The following TEX264 variants were observed in gnomAD, a reference collection of about 807,000 sequenced individuals.
TEX264 encodes testis-expressed protein 264.
Under a neutral mutation model 23.4 loss-of-function variants are expected in TEX264, and 13 were observed. That is an observed-to-expected ratio of 0.56 (90% CI 0.36 to 0.88). The LOEUF (loss-of-function observed/expected upper bound fraction) is 0.88, where lower values mean the gene tolerates loss of function less well. Ranked by LOEUF, TEX264 falls within the 40% of genes least tolerant of loss-of-function variation. TEX264 has a pLI of 0.01. For missense variants in TEX264, 340 were observed against 406.8 expected, an observed-to-expected ratio of 0.84 and a Z score of 1.41; for synonymous variants, 159 against 170.0, an observed-to-expected ratio of 0.94 and a Z score of 0.50.
chr3:51,679,665 T>C (rs2106922185), intron 2 of TEX264, among the ~76,000 whole-genome samples: 1 of 152,320 alleles, frequency 6.6e-6, no homozygotes, highest in South Asian at 2.1e-4. Flanking sequence ...TTAATGAGCT[T>C]ATGCTTGGAA....
chr3:51,675,167 A>G (rs1702187513), intron 2 of TEX264, among the ~76,000 whole-genome samples: 1 of 152,188 alleles, frequency 6.6e-6, no homozygotes, highest in South Asian at 2.1e-4. Context: ...CAGATGAGTT[A>G]CTTAGAATGT....
chr3:51,678,840 G>A (rs1306275748), intron 2 of TEX264, among the ~76,000 whole-genome samples: 1 of 152,200 alleles, frequency 6.6e-6, no homozygotes, highest in Non-Finnish European at 1.5e-5. Context: ...CTTAGTTTGG[G>A]TGGAGCCTGG....
At chr3:51,695,331 C>T (rs1703014225) in intron 3 of TEX264, among the ~76,000 whole-genome samples, 1 of 152,226 alleles carries the variant, frequency 6.6e-6, no homozygotes. Context: ...CACATTGCCT[C>T]CTTCTTTTGG....
chr3:51,672,057 C>G (rs1371660485), intron 1 of TEX264: 1 of 152,248 alleles, frequency 6.6e-6, no homozygotes, highest in Non-Finnish European at 1.5e-5. Context: ...AGAGCTCTAG[C>G]GAAGAGACCT....
rs1266858041 is a variant in TEX264 at position 51,691,444 on chromosome 3, C to A, written c.480+6810C>A. On this transcript the variant is annotated intron_variant, in intron 3 of 4. Transcript: ENST00000341333. The surrounding 1 kb of genome is among the most constrained non-coding windows in gnomAD (Gnocchi z 4.4). ...TCTTTCCTCTTCCACCTCCTCCAGC[C>A]ACAGAGCCTAGCCATGCCTGGGTGT... 6.6e-6 allele frequency among the ~76,000 whole-genome samples: 1 copy of A among 152,238 alleles called. No individual in the cohort carries two copies. The highest frequency in any genetic ancestry group is 1.5e-5 in the Non-Finnish European group (1 of 68,042).
chr3:51,694,195 G>A (rs978210456), intron 3 of TEX264, among the ~76,000 whole-genome samples: 6 of 150,702 alleles, frequency 4.0e-5, no homozygotes, highest in African/African-American at 7.4e-5. Flanking sequence ...GCAGTGGCGC[G>A]ATCTCGGCTC....
chr3:51,683,335 G>A (rs1702499689), intron 2 of TEX264: 1 of 152,298 alleles, frequency 6.6e-6, no homozygotes, highest in South Asian at 2.1e-4. Flanking sequence ...GTAGCAGTAG[G>A]TGAGACAAAG....
rs1439797059 is a variant in TEX264 at position 51,686,794 on chromosome 3, G to A, written c.480+2160G>A. ...ATTCAAGGAAGGCCTCTCCAGTCCT[G>A]TCGGTGCCATCCTCAACCTCATGGG... On this transcript the variant is annotated intron_variant, in intron 3 of 4. Coordinates refer to ENST00000341333, the MANE Select transcript of TEX264 (RefSeq NM_015926.6). The surrounding 1 kb of genome is among the most constrained non-coding windows in gnomAD (Gnocchi z 4.1). 6.6e-6 allele frequency among the ~76,000 whole-genome samples: 1 copy of A among 152,158 alleles called. No homozygotes were observed. The highest frequency in any genetic ancestry group is 1.5e-5 in the Non-Finnish European group (1 of 68,028).
At chr3:51,684,331 ATCTGGCACAGTCCCAGGAGGAAGGAGG>A in intron 2 of TEX264, 55 bp from the exon 3 acceptor site, 1 of 1,309,714 alleles carries the variant, frequency 7.6e-7, no homozygotes, top group Non-Finnish European at 1.1e-6. Flanking sequence ...TTTAGGCCTG[ATCTGGCACAGTCCCAGGAGGAAGGAGG>A]TCTGAGGGCC....
chr3:51,690,326 G>A (rs1702783372), intron 3 of TEX264, among the ~76,000 whole-genome samples: 1 of 152,156 alleles, frequency 6.6e-6, no homozygotes, highest in Non-Finnish European at 1.5e-5. Flanking sequence ...AAAGTCAGGA[G>A]TTTGAGACCA....
chr3:51,701,688 A>G (rs567664036), intron 4 of TEX264, among the ~76,000 whole-genome samples: 2 of 152,014 alleles, frequency 1.3e-5, no homozygotes, highest in African/African-American at 4.8e-5. Context: ...CTGGAGTGAA[A>G]TGGCATGATC....
At position 51,698,218 on chromosome 3, in the gene TEX264, G is replaced by A. The variant is rs988944826; in HGVS notation, c.481-1188G>A. On this transcript the variant is annotated intron_variant, in intron 3 of 4. Transcript: ENST00000341333. ...AACCCTTCTTTGCTAGCTTGCTTTA[G>A]TTGAAGGAGGTTCCTCAACCCTAGG... 2.6e-5 allele frequency among the ~76,000 whole-genome samples: 4 copies of A among 151,756 alleles called. 1 individual carries two copies. The highest frequency in any genetic ancestry group is 9.8e-5 in the African/African-American group (4 of 41,020).
rs184511977 is a variant in TEX264 at position 51,704,306 on chromosome 3, T to G, written c.*290T>G. On this transcript the variant is annotated 3_prime_UTR_variant, in exon 5 of 5. Coordinates refer to ENST00000341333, the MANE Select transcript of TEX264 (RefSeq NM_015926.6). ...CAGGACCCAGAATAAAGCCAATGAT[T>G]TACTTGTTTCACCTGGATTTGGGTT... 4.0e-5 allele frequency: 12 copies of G among 296,654 alleles called. No individual in the cohort carries two copies. In the Admixed American group the frequency reaches 5.6e-4, roughly 14 times the overall value. 18.4% of individuals were successfully genotyped at this position (296,654 alleles called of 1,614,324 possible). A position where few individuals can be genotyped will look rare whatever the true frequency, so the allele number is the denominator to read the frequency against.
At chr3:51,689,298 C>T (rs1181317853) in intron 3 of TEX264, among the ~76,000 whole-genome samples, 6 of 151,866 alleles carry the variant, frequency 4.0e-5, no homozygotes, top group East Asian at 1.9e-4. Context: ...GGCGTGGTGG[C>T]GTGCACCTGT....
rs371048238 is a variant in TEX264 at position 51,674,309 on chromosome 3, C to T, written c.5C>T (p.Ser2Leu). 6.2e-6 allele frequency: 10 copies of T among 1,614,076 alleles called. No homozygotes were observed. The highest frequency in any genetic ancestry group is 2.2e-5 in the East Asian group (1 of 44,894). MSDLLLLGLIGG... is the reference protein window; with the variant it reads MLDLLLLGLIGG... ...CAGTGTTGGGGATCCAGAGCCATGT[C>T]GGACCTGCTACTACTGGGCCTGATT... The change falls in exon 2 of 5, where the codon TCG becomes TTG. Residue 2 changes from serine (S) to leucine (L), a missense_variant. Ser to Leu is a moderately radical substitution (Grantham distance 145, BLOSUM62 -2). Transcript: ENST00000341333.
chr3:51,687,785 C>T (rs1407963830), intron 3 of TEX264, among the ~76,000 whole-genome samples: 1 of 152,058 alleles, frequency 6.6e-6, no homozygotes, highest in African/African-American at 2.4e-5. Flanking sequence ...GCTGCTGTCC[C>T]GGGAGTTGCA....
chr3:51,684,662 T>C (rs922160040), intron 3 of TEX264, 28 bp downstream of exon 3: 47 of 1,609,470 alleles, frequency 2.9e-5, no homozygotes, highest in Non-Finnish European at 4.0e-5. Context: ...GGTGTGTGTG[T>C]TGGGGACAGC....
At chr3:51,692,290 G>A (rs1263092693) in intron 3 of TEX264, among the ~76,000 whole-genome samples, 3 of 152,136 alleles carry the variant, frequency 2.0e-5, no homozygotes, top group South Asian at 4.1e-4. Context: ...TTGGAATTAG[G>A]GAGGGGAAAG....
At chr3:51,698,521 TG>T in intron 3 of TEX264, among the ~76,000 whole-genome samples, 1 of 152,312 alleles carries the variant, frequency 6.6e-6, no homozygotes, top group East Asian at 1.9e-4. Context: ...TGTCCCTGCC[TG>T]CCTCAGGGTG....
Sources: allele counts gnomAD v4.1 joint callset (sites outside exome capture counted in the v4.1 genomes callset), GRCh38; gene constraint gnomAD v4.1.1; non-coding constraint Gnocchi (gnomAD v3.1); transcripts MANE v1.5; gene names NCBI Gene and HGNC (gene_info 2026-07-23, HGNC 2026-07-21).